USH2A: variants seen among roughly 807,000 people sequenced by gnomAD.
USH2A encodes Usher syndrome 2A (autosomal recessive, mild).
A neutral mutation model predicts 538.9 loss-of-function variants in USH2A; 443 were observed. The observed-to-expected ratio is 0.82, with a 90% CI of 0.76 to 0.89. The LOEUF (loss-of-function observed/expected upper bound fraction) is 0.89. USH2A is among the 40% of genes least tolerant of loss of function. The pLI is 0.00. For synonymous variants in USH2A, 2,413 were observed against 2,273.5 expected (o/e 1.06, Z -1.75); for missense variants, 6,633 against 6,324.8 (o/e 1.05, Z -1.65).
At chr1:216,126,336 G>A (rs1432117155) in intron 21 of USH2A, among the ~76,000 whole-genome samples, 2 of 152,130 alleles carry the variant, frequency 1.3e-5, no homozygotes, top group Admixed American at 6.5e-5. Flanking sequence ...CAATTTTCCT[G>A]TATCAGCCTC....
chr1:216,101,520 G>A (rs1465829028), intron 21 of USH2A, among the ~76,000 whole-genome samples: 3 of 152,218 alleles, frequency 2.0e-5, no homozygotes, highest in Non-Finnish European at 4.4e-5. Flanking sequence ...AGTTGAACTT[G>A]TCTTCCCCTC....
chr1:216,269,838 C>T (rs1441140847), intron 11 of USH2A, among the ~76,000 whole-genome samples: 2 of 152,044 alleles, frequency 1.3e-5, no homozygotes, highest in South Asian at 4.1e-4. Flanking sequence ...AACCGGGTGA[C>T]AATTGTCACA....
chr1:215,632,569 C>T (rs1656317165), intron 70 of USH2A, among the ~76,000 whole-genome samples: 1 of 152,178 alleles, frequency 6.6e-6, no homozygotes, highest in African/African-American at 2.4e-5. Context: ...CTGGACATTG[C>T]TGGTATGTGG....
At chr1:216,002,330 C>T (rs76423591) in intron 32 of USH2A, among the ~76,000 whole-genome samples, 11,582 of 152,220 alleles carry the variant, frequency 0.076, 554 homozygotes, top group Non-Finnish European at 0.11. Flanking sequence ...CCTCTGTTCT[C>T]TTCATCTTCG....
At position 216,190,375 on chromosome 1, in the gene USH2A, G is replaced by A. The variant is rs2034691324; in HGVS notation, c.4252-8C>T. The A allele has an allele frequency of 1.2e-6, 2 of 1,608,744 alleles. No homozygotes were observed. Among genetic ancestry groups the A allele is most frequent in the Non-Finnish European group, 1.7e-6 (2 of 1,178,138 alleles). On this transcript the variant is annotated splice_region_variant and splice_polypyrimidine_tract_variant and intron_variant, in intron 19 of 71. Coordinates refer to ENST00000307340, the MANE Select transcript of USH2A (RefSeq NM_206933.4). ...TTTAGCAGTGTGCAACAGCTTCAAG[G>A]CAAAAAAGAAAGAAAGAAAGAAAGA...
At chr1:215,900,943 T>C (rs766073997) in intron 38 of USH2A, 38 bp from the exon 39 acceptor site, 3 of 1,612,254 alleles carry the variant, frequency 1.9e-6, no homozygotes, top group Non-Finnish European at 2.5e-6. Context: ...CAGAGAAAAC[T>C]GTGGAGAACA....
At chr1:215,761,707 A>G (rs1288640868) in intron 56 of USH2A, among the ~76,000 whole-genome samples, 1 of 152,182 alleles carries the variant, frequency 6.6e-6, no homozygotes, top group East Asian at 1.9e-4. Context: ...TAAAATATAC[A>G]CACAAACAAC....
At chr1:216,374,288 C>A (rs1466144668) in intron 3 of USH2A, among the ~76,000 whole-genome samples, 1 of 146,486 alleles carries the variant, frequency 6.8e-6, no homozygotes. Flanking sequence ...AGTGCCGACC[C>A]AAAAAAAAAA....
chr1:216,263,252 G>A (rs1022605795), intron 11 of USH2A, among the ~76,000 whole-genome samples: 17 of 152,090 alleles, frequency 1.1e-4, no homozygotes, highest in Non-Finnish European at 2.2e-4. Context: ...TTGAAGGAGA[G>A]GAAATTCTTC....
intron 47 of USH2A, among the ~76,000 whole-genome samples, chr1:215,823,999 T>G (rs903453704): frequency 6.6e-6 from 1 of 152,128 alleles, no homozygotes; most frequent in Non-Finnish European, 1.5e-5. Flanking sequence ...GTCATAGAGT[T>G]CACCTATCAC....
chr1:216,395,517 T>C (rs947505087), intron 3 of USH2A, among the ~76,000 whole-genome samples: 1 of 152,224 alleles, frequency 6.6e-6, no homozygotes, highest in African/African-American at 2.4e-5. Flanking sequence ...CTCAGTTAAA[T>C]GTGGTTAACC....
At chr1:215,817,491 CTT>C (rs1195312055) in intron 47 of USH2A, among the ~76,000 whole-genome samples, 31 of 151,822 alleles carry the variant, frequency 2.0e-4, no homozygotes, top group Non-Finnish European at 2.6e-4. Context: ...ACATACATGA[CTT>C]GGTAAACAAG....
chr1:216,039,813 C>T (rs549560933), intron 32 of USH2A, among the ~76,000 whole-genome samples: 4 of 151,704 alleles, frequency 2.6e-5, no homozygotes, highest in Non-Finnish European at 5.9e-5. Context: ...AATTTCCCAT[C>T]GTAAGACTTA....
chr1:216,314,577 T>C (rs12022815), intron 9 of USH2A, among the ~76,000 whole-genome samples: 1,721 of 152,198 alleles, frequency 0.011, 26 homozygotes, highest in East Asian at 0.036. Context: ...TGGACTTTGG[T>C]GCTCTAAAGG....
chr1:215,645,678 C>T (rs766258107), intron 67 of USH2A, among the ~76,000 whole-genome samples: 6 of 152,096 alleles, frequency 3.9e-5, no homozygotes, highest in Admixed American at 6.6e-5. Context: ...TTTATGAATG[C>T]GTAATTCTTG....
intron 44 of USH2A, among the ~76,000 whole-genome samples, chr1:215,851,572 A>C (rs1374324009): frequency 6.6e-6 from 1 of 152,178 alleles, no homozygotes; most frequent in Non-Finnish European, 1.5e-5. Flanking sequence ...AAAAAAGTCC[A>C]GGACCAGACA....
At chr1:215,966,230 T>C (rs1335859218) in intron 36 of USH2A, among the ~76,000 whole-genome samples, 1 of 152,072 alleles carries the variant, frequency 6.6e-6, no homozygotes, top group Non-Finnish European at 1.5e-5. Flanking sequence ...AAGATTTCAA[T>C]AGATAAATAA....
chr1:215,806,186 C>T (rs1338571282), intron 49 of USH2A, among the ~76,000 whole-genome samples: 1 of 152,022 alleles, frequency 6.6e-6, no homozygotes, highest in African/African-American at 2.4e-5. Context: ...TAGGAATAAC[C>T]AAATGTCTCA....
intron 38 of USH2A, among the ~76,000 whole-genome samples, chr1:215,903,333 T>C (rs759547044): frequency 2.6e-5 from 4 of 152,088 alleles, no homozygotes; most frequent in Non-Finnish European, 4.4e-5. Context: ...AAAGGGCAGA[T>C]ACAGTGAGCT....
Sources: gnomAD v4.1 joint callset for allele counts (sites outside exome capture counted in the v4.1 genomes callset) on GRCh38, gnomAD v4.1.1 for gene constraint, MANE v1.5 for transcripts, NCBI Gene and HGNC (gene_info 2026-07-23, HGNC 2026-07-21) for gene names.